KIAA0319L: variants seen among roughly 807,000 people sequenced by gnomAD.
KIAA0319L encodes KIAA0319 like.
A neutral mutation model predicts 120.1 loss-of-function variants in KIAA0319L; 55 were observed. The ratio of observed to expected loss-of-function variants is 0.46; its 90% CI spans 0.37 to 0.57. The LOEUF (loss-of-function observed/expected upper bound fraction) is 0.57. KIAA0319L is among the 20% of genes least tolerant of loss of function. KIAA0319L has a pLI of 0.00. For synonymous variants in KIAA0319L, 398 were observed against 471.9 expected, an observed-to-expected ratio of 0.84 and a Z score of 2.03; for missense variants, 1,049 against 1,255.3, an observed-to-expected ratio of 0.84 and a Z score of 2.48.
chr1:35,450,546 C>T, intron 13 of KIAA0319L, 37 bp from the exon 14 acceptor site: 1 of 1,567,148 alleles, frequency 6.4e-7, no homozygotes, highest in Middle Eastern at 1.7e-4. Flanking sequence ...ATGTGACATT[C>T]TGGAAAAGAA....
rs146256691 is a variant in KIAA0319L, at chr1:35,527,842, C to CT, written c.143-20708dup. ...TTCTCATTAAACCAACTTTTCATTT[C>CT]TTTTTTTTTATTTCTTAGTCTCTAT... is the stretch of plus-strand genomic sequence containing the variant. On this transcript the variant is annotated intron_variant, in intron 2 of 20. Coordinates refer to ENST00000325722, the MANE Select transcript of KIAA0319L (RefSeq NM_024874.5). Among the ~76,000 whole-genome samples the CT allele has an allele frequency of 3.8e-3, 570 of 151,058 alleles. 2 individuals carry two copies. Among genetic ancestry groups the CT allele is most frequent in the African/African-American group, 0.013 (531 of 41,226 alleles).
At chr1:35,556,165 C>T (rs1436115062) in intron 1 of KIAA0319L, among the ~76,000 whole-genome samples, 1 of 152,216 alleles carries the variant, frequency 6.6e-6, no homozygotes, top group Non-Finnish European at 1.5e-5. Context: ...GAGAAGCTCA[C>T]AATAGTTCTG....
chr1:35,514,218 A>G (rs1645586352), intron 2 of KIAA0319L, among the ~76,000 whole-genome samples: 1 of 152,210 alleles, frequency 6.6e-6, no homozygotes, highest in Non-Finnish European at 1.5e-5. Flanking sequence ...CCCTAAGAGT[A>G]AAAAGCTAAA....
intron 2 of KIAA0319L, among the ~76,000 whole-genome samples, chr1:35,537,038 ACCTCTCTAT>A (rs2148482718): frequency 6.6e-6 from 1 of 152,270 alleles, no homozygotes; most frequent in African/African-American, 2.4e-5. Flanking sequence ...AGGAGCCCAC[ACCTCTCTAT>A]GTAATACTGT....
At chr1:35,445,027 C>T (rs991284626) in intron 16 of KIAA0319L, among the ~76,000 whole-genome samples, 2 of 152,152 alleles carry the variant, frequency 1.3e-5, no homozygotes, top group African/African-American at 4.8e-5. Flanking sequence ...GTGAGTTTTA[C>T]AATTAGAACC....
Position 35,449,977 on chromosome 1 carries a change from G to A in KIAA0319L, c.2243C>T (p.Pro748Leu), listed in dbSNP as rs753380517. 1.2e-6 allele frequency: 2 copies of A among 1,614,148 alleles called. No homozygotes were observed. Among genetic ancestry groups the A allele is most frequent in the East Asian group, 2.2e-5 (1 of 44,882 alleles). The change falls in exon 15 of 21, where the codon CCT (proline) becomes CTT (leucine). Residue 748 changes from proline to leucine, a missense_variant. Physicochemically the swap from Pro to Leu is moderately conservative, Grantham distance 98 (BLOSUM62 -3). Coordinates refer to ENST00000325722, the MANE Select transcript of KIAA0319L (RefSeq NM_024874.5). ...GEVLNHSDHH[P>L]ILFLSNLVEG... ...AACCAGGTTTGAAAGAAAAAGGATA[G>A]GGTGATGGTCAGAGTGATTTAACAC...
At chr1:35,504,517 A>G (rs911484341) in intron 3 of KIAA0319L, among the ~76,000 whole-genome samples, 30 of 152,156 alleles carry the variant, frequency 2.0e-4, no homozygotes, top group African/African-American at 6.8e-4. Context: ...CATTTTATCT[A>G]GTTTAAGAAT....
rs528099198 is a variant in KIAA0319L, at chr1:35,491,349, A to G, written c.667-12137T>C. Among the ~76,000 whole-genome samples, 11 of 152,342 alleles carry G rather than the reference A, an allele frequency of 7.2e-5. No individual in the cohort carries two copies. In the South Asian group the frequency reaches 1.4e-3, roughly 20 times the overall value. On this transcript the variant is annotated intron_variant, in intron 3 of 20. Transcript: ENST00000325722. ...ATAAACCCACATTCTAATCCAGATT[A>G]AAGTTCAACAAGCCCCAAGCACATG...
chr1:35,502,074 C>T (rs533271682), intron 3 of KIAA0319L, among the ~76,000 whole-genome samples: 3 of 151,764 alleles, frequency 2.0e-5, no homozygotes, highest in South Asian at 2.1e-4. Flanking sequence ...GTCAGGAGAT[C>T]GAGACCACCC....
At chr1:35,458,944 GA>G (rs1642691626) in intron 9 of KIAA0319L, among the ~76,000 whole-genome samples, 1 of 152,106 alleles carries the variant, frequency 6.6e-6, no homozygotes, top group Admixed American at 6.6e-5. Context: ...TGAATCAATG[GA>G]AATCCTGCTA....
chr1:35,508,392 C>A (rs1645288992), intron 2 of KIAA0319L, among the ~76,000 whole-genome samples: 1 of 152,178 alleles, frequency 6.6e-6, no homozygotes, highest in African/African-American at 2.4e-5. Context: ...ACGAAAGCAA[C>A]TGACAATCAG....
At chr1:35,460,256 G>C in intron 9 of KIAA0319L, 49 bp downstream of exon 9, 1 of 1,525,064 alleles carries the variant, frequency 6.6e-7, no homozygotes, top group Non-Finnish European at 9.0e-7. Context: ...AAACCCACGA[G>C]AGGCAAAAAA....
chr1:35,456,129 T>C lies in KIAA0319L; in HGVS notation c.1540A>G (p.Thr514Ala), dbSNP rs1188136112. 2 of 1,614,034 alleles carry C rather than the reference T, an allele frequency of 1.2e-6. No homozygotes were observed. The highest frequency in any genetic ancestry group is 2.2e-5 in the East Asian group (1 of 44,858). The change falls in exon 10 of 21, where the codon ACC becomes GCC. Residue 514 changes from threonine to alanine, a missense_variant. Coordinates refer to ENST00000325722, the MANE Select transcript of KIAA0319L (RefSeq NM_024874.5). ...AGGGTGATGGAGTTTTGGGGCAGGG[T>C]GATCACTTGGTTGGGGCCTGCGTTG... ...VANAGPNQVI[T>A]LPQNSITLFG... is the part of the protein sequence containing the mutation.
chr1:35,532,158 A>G (rs1405099762), intron 2 of KIAA0319L, among the ~76,000 whole-genome samples: 1 of 151,544 alleles, frequency 6.6e-6, no homozygotes, highest in Admixed American at 6.6e-5. Flanking sequence ...CAGGAGAATC[A>G]TTGAACACAG....
intron 18 of KIAA0319L, among the ~76,000 whole-genome samples, chr1:35,442,678 C>A (rs1302463996): frequency 6.6e-6 from 1 of 152,236 alleles, no homozygotes; most frequent in Non-Finnish European, 1.5e-5. Flanking sequence ...CTGTAACTGG[C>A]ATTGGATCTG....
intron 7 of KIAA0319L, among the ~76,000 whole-genome samples, chr1:35,463,431 T>A (rs1240556610): frequency 6.6e-6 from 1 of 152,154 alleles, no homozygotes; most frequent in Non-Finnish European, 1.5e-5. Flanking sequence ...AATCAAACCG[T>A]CCCTTGGCAC....
At chr1:35,523,010 C>T (rs1180746677) in intron 2 of KIAA0319L, among the ~76,000 whole-genome samples, 11 of 129,722 alleles carry the variant, frequency 8.5e-5, no homozygotes, top group Non-Finnish European at 1.7e-4. Flanking sequence ...AGTGAAACTC[C>T]ACATAAAAAA....
intron 4 of KIAA0319L, among the ~76,000 whole-genome samples, chr1:35,477,599 G>A (rs1436847276): frequency 4.7e-5 from 7 of 149,422 alleles, no homozygotes; most frequent in Non-Finnish European, 8.9e-5. Flanking sequence ...CCCAGGAGGC[G>A]CAGCTTGCAG....
intron 2 of KIAA0319L, among the ~76,000 whole-genome samples, chr1:35,517,764 T>C (rs1234979552): frequency 6.6e-6 from 1 of 152,098 alleles, no homozygotes; most frequent in African/African-American, 2.4e-5. Context: ...CAAAAGAAAC[T>C]ATCAACAGAG....
Sources: allele counts gnomAD v4.1 joint callset (sites outside exome capture counted in the v4.1 genomes callset), GRCh38; gene constraint gnomAD v4.1.1; transcripts MANE v1.5; gene names NCBI Gene and HGNC (gene_info 2026-07-23, HGNC 2026-07-21).